PDE7B: variants seen among roughly 807,000 people sequenced by gnomAD.
PDE7B encodes the protein 3',5'-cyclic-AMP phosphodiesterase 7B.
PDE7B carries 29 observed loss-of-function variants against 56.2 expected under a neutral mutation model. The observed-to-expected ratio is 0.52, with a 90% CI of 0.38 to 0.70. The LOEUF (loss-of-function observed/expected upper bound fraction) is 0.70. Among genes scored for constraint, PDE7B ranks in the 30% least tolerant of loss-of-function variants. PDE7B has a pLI of 0.00. For missense variants in PDE7B, 490 were observed against 565.0 expected, an observed-to-expected ratio of 0.87 and a Z score of 1.35; for synonymous variants, 197 against 196.9, an observed-to-expected ratio of 1.00 and a Z score of 0.00.
chr6:136,096,995 T>A (rs533823647), intron 2 of PDE7B, among the ~76,000 whole-genome samples: 50 of 152,260 alleles, frequency 3.3e-4, no homozygotes, highest in African/African-American at 1.1e-3. Flanking sequence ...CCCTTGCTCT[T>A]GAAGCACTCT....
intron 8 of PDE7B, among the ~76,000 whole-genome samples, chr6:136,160,368 A>G (rs905698604): frequency 6.6e-6 from 1 of 152,072 alleles, no homozygotes; most frequent in Non-Finnish European, 1.5e-5. Flanking sequence ...TCTTTTTCTC[A>G]GTCTACCTTT....
At position 135,858,076 on chromosome 6, in the gene PDE7B, A is replaced by T. The variant is rs188180546; in HGVS notation, c.21+6057A>T. ...ATTTATTGTGTGATATTTTAAAGTG[A>T]CCAGAAAAATTTGAAGGTAAAAGAA... On this transcript the variant is annotated intron_variant, in intron 1 of 12. Transcript: ENST00000308191. Among the ~76,000 whole-genome samples, 4 of 152,274 alleles carry T rather than the reference A, an allele frequency of 2.6e-5. No individual in the cohort carries two copies. In the East Asian group the frequency reaches 7.7e-4, roughly 29 times the overall value.
chr6:136,047,762 G>A (rs1251389510), intron 2 of PDE7B, among the ~76,000 whole-genome samples: 2 of 152,148 alleles, frequency 1.3e-5, no homozygotes, highest in Non-Finnish European at 1.5e-5. Flanking sequence ...TTCAGAAAGG[G>A]AAATGAAAAA....
intron 2 of PDE7B, among the ~76,000 whole-genome samples, chr6:136,003,053 A>C (rs1252863529): frequency 7.2e-5 from 11 of 152,064 alleles, no homozygotes; most frequent in African/African-American, 1.9e-4. Context: ...AAACTCACTC[A>C]AAACCACTCA....
intron 3 of PDE7B, among the ~76,000 whole-genome samples, chr6:136,139,821 GT>G (rs1286954512): frequency 6.6e-6 from 1 of 152,024 alleles, no homozygotes. Flanking sequence ...GGGGTTGTTT[GT>G]TTTTTTCTTG....
intron 2 of PDE7B, among the ~76,000 whole-genome samples, chr6:136,067,757 TC>T (rs1045708585): frequency 6.6e-6 from 1 of 152,200 alleles, no homozygotes; most frequent in Admixed American, 6.5e-5. Context: ...TGCCAGTATT[TC>T]CCACACATCA....
At chr6:135,931,749 C>A (rs1360371442) in intron 1 of PDE7B, among the ~76,000 whole-genome samples, 1 of 152,034 alleles carries the variant, frequency 6.6e-6, no homozygotes, top group African/African-American at 2.4e-5. Flanking sequence ...TTTTTTGGAA[C>A]ATTTTGAGGC....
chr6:136,001,200 A>G (rs1270171561), intron 2 of PDE7B, among the ~76,000 whole-genome samples: 1 of 152,258 alleles, frequency 6.6e-6, no homozygotes, highest in African/African-American at 2.4e-5. Context: ...ACCCATCTGT[A>G]CATCACCATC....
chr6:135,858,884 G>T (rs1235168108), intron 1 of PDE7B, among the ~76,000 whole-genome samples: 1 of 152,064 alleles, frequency 6.6e-6, no homozygotes, highest in Non-Finnish European at 1.5e-5. Context: ...TATTCAAACC[G>T]TGTTTAAGGA....
chr6:136,078,985 A>AT (rs1777164694), intron 2 of PDE7B, among the ~76,000 whole-genome samples: 1 of 152,148 alleles, frequency 6.6e-6, no homozygotes, highest in African/African-American at 2.4e-5. Context: ...GGGATTATAA[A>AT]ATTGGGGTTA....
chr6:136,098,770 A>G (rs947196104), intron 2 of PDE7B, among the ~76,000 whole-genome samples: 3 of 147,646 alleles, frequency 2.0e-5, no homozygotes, highest in African/African-American at 7.7e-5. Context: ...TTCCTCACCT[A>G]CTTTTCTTTT....
In PDE7B at chr6:136,142,429, C is replaced by G. The variant is rs926235943; in HGVS notation, c.167-4922C>G. 7.2e-5 allele frequency among the ~76,000 whole-genome samples: 11 copies of G among 152,242 alleles called. No individual in the cohort carries two copies. The South Asian group carries it at 8.3e-4, about 11-fold the overall frequency. ...TGTGGTGCTGAGAAGAATGTATATTCTGTTGATTTGGGGTGGAGAGTTCTG... is the reference window on the plus strand; with the variant it reads ...TGTGGTGCTGAGAAGAATGTATATTGTGTTGATTTGGGGTGGAGAGTTCTG... On this transcript the variant is annotated intron_variant, in intron 3 of 12. Coordinates refer to ENST00000308191, the MANE Select transcript of PDE7B (RefSeq NM_018945.4).
intron 2 of PDE7B, among the ~76,000 whole-genome samples, chr6:136,059,871 CT>C (rs1776806695): frequency 1.3e-5 from 2 of 152,162 alleles, no homozygotes; most frequent in African/African-American, 4.8e-5. Flanking sequence ...TTGAACATCA[CT>C]TTATAGGAAG....
chr6:135,886,431 A>G (rs1236624761), intron 1 of PDE7B, among the ~76,000 whole-genome samples: 1 of 151,862 alleles, frequency 6.6e-6, no homozygotes, highest in African/African-American at 2.4e-5. Flanking sequence ...TACATGGATA[A>G]GTTCTTTAGT....
At chr6:135,871,709 G>C (rs1282488720) in intron 1 of PDE7B, among the ~76,000 whole-genome samples, 1 of 152,046 alleles carries the variant, frequency 6.6e-6, no homozygotes, top group Admixed American at 6.6e-5. Flanking sequence ...CCGTGCCTCA[G>C]TTTTCTTTCA....
intron 3 of PDE7B, among the ~76,000 whole-genome samples, chr6:136,144,570 T>C (rs1778383763): frequency 6.6e-6 from 1 of 152,158 alleles, no homozygotes. Context: ...CATGCATAAA[T>C]CCATATCCAA....
chr6:136,163,474 C>T (rs180914967), intron 8 of PDE7B, among the ~76,000 whole-genome samples: 182 of 152,344 alleles, frequency 1.2e-3, no homozygotes, highest in Middle Eastern at 6.8e-3. Context: ...TTTTACCTCC[C>T]TAGGCCTCCA....
chr6:136,173,083 G>A (rs568219404), intron 8 of PDE7B, among the ~76,000 whole-genome samples: 3 of 152,124 alleles, frequency 2.0e-5, no homozygotes, highest in Admixed American at 6.5e-5. Context: ...ACTGCCCAAG[G>A]TAATTTATAG....
At chr6:136,144,502 A>C (rs1778382659) in intron 3 of PDE7B, among the ~76,000 whole-genome samples, 1 of 152,184 alleles carries the variant, frequency 6.6e-6, no homozygotes, top group Non-Finnish European at 1.5e-5. Flanking sequence ...TGATGTCAAC[A>C]TTCAAGTTTT....
Sources: allele counts gnomAD v4.1 joint callset (sites outside exome capture counted in the v4.1 genomes callset), GRCh38; gene constraint gnomAD v4.1.1; transcripts MANE v1.5; gene names NCBI Gene and HGNC (gene_info 2026-07-23, HGNC 2026-07-21).